The following CACNA1C variants were observed in gnomAD, a reference collection of about 807,000 sequenced individuals.
The protein encoded by CACNA1C is voltage-dependent L-type calcium channel subunit alpha-1C.
Under a neutral mutation model 229.0 loss-of-function variants are expected in CACNA1C, and 30 were observed. The ratio of observed to expected loss-of-function variants is 0.13; its 90% CI spans 0.10 to 0.18. CACNA1C has a LOEUF of 0.18. CACNA1C is among the 10% of genes least tolerant of loss of function. The pLI, the probability that CACNA1C is intolerant of heterozygous loss-of-function variation, is 1.00. For missense variants in CACNA1C, 1,658 were observed against 2,845.0 expected (o/e 0.58, Z 9.49); for synonymous variants, 1,114 against 1,132.5 (o/e 0.98, Z 0.33).
At chr12:2,341,151 G>A (rs1182696609) in intron 3 of CACNA1C, among the ~76,000 whole-genome samples, 1 of 152,138 alleles carries the variant, frequency 6.6e-6, no homozygotes, top group African/African-American at 2.4e-5. Flanking sequence ...TTCACCTGCG[G>A]TGGCTTGGGG....
chr12:2,253,662 T>G (rs1168521770), intron 3 of CACNA1C, among the ~76,000 whole-genome samples: 1 of 152,206 alleles, frequency 6.6e-6, no homozygotes, highest in Middle Eastern at 3.2e-3. Context: ...TGTTGAGGAT[T>G]AAATAAAATC....
chr12:2,541,800 G>A (rs2099871108), intron 9 of CACNA1C, among the ~76,000 whole-genome samples: 1 of 152,184 alleles, frequency 6.6e-6, no homozygotes, highest in Admixed American at 6.5e-5. Context: ...TCCATCCCTG[G>A]GACAAAGTCG....
chr12:2,123,946 C>T (rs1052430825), intron 3 of CACNA1C, among the ~76,000 whole-genome samples: 9 of 152,034 alleles, frequency 5.9e-5, no homozygotes, highest in South Asian at 2.1e-4. Flanking sequence ...TTAGTAAGGG[C>T]GAAGTGTTGG....
At chr12:2,501,044 TAAA>T (rs3058714) in intron 7 of CACNA1C, among the ~76,000 whole-genome samples, 2 of 139,792 alleles carry the variant, frequency 1.4e-5, no homozygotes, top group African/African-American at 2.7e-5. Flanking sequence ...GTCTCTACTT[TAAA>T]AAAAAAAAAA....
chr12:2,347,232 G>A (rs997420187), intron 3 of CACNA1C, among the ~76,000 whole-genome samples: 2 of 152,110 alleles, frequency 1.3e-5, no homozygotes, highest in East Asian at 1.9e-4. Flanking sequence ...ACCTCCCCAC[G>A]AACACTGCAC....
intron 3 of CACNA1C, among the ~76,000 whole-genome samples, chr12:2,372,729 A>C (rs1198763969): frequency 6.6e-6 from 1 of 152,060 alleles, no homozygotes; most frequent in Non-Finnish European, 1.5e-5. Context: ...CTCCCTTTCC[A>C]AGGCCCATCC....
chr12:2,684,084 G>A (rs1013062391), intron 43 of CACNA1C, among the ~76,000 whole-genome samples: 3 of 152,208 alleles, frequency 2.0e-5, no homozygotes, highest in Admixed American at 1.3e-4. Flanking sequence ...GCCCCACCCT[G>A]AGGAGTGTGG....
chr12:2,225,278 T>C (rs7312354), intron 3 of CACNA1C, among the ~76,000 whole-genome samples: 15,279 of 152,242 alleles, frequency 0.1, 1,234 homozygotes, highest in East Asian at 0.3. Context: ...CCCTGCCTTG[T>C]CTGCTAGGTT....
At chr12:2,419,034 G>C (rs2098946571) in intron 3 of CACNA1C, among the ~76,000 whole-genome samples, 1 of 152,326 alleles carries the variant, frequency 6.6e-6, no homozygotes, top group African/African-American at 2.4e-5. Flanking sequence ...CAAAAGGATG[G>C]GGTGTTCATT....
In CACNA1C at chr12:2,294,490, G is replaced by A. The variant is rs937156660; in HGVS notation, c.478-154486G>A. 2.6e-5 allele frequency among the ~76,000 whole-genome samples: 4 copies of A among 151,980 alleles called. 1 individual carries two copies. The East Asian group carries it at 7.8e-4, about 30-fold the overall frequency. ...AGGAGACTCGGAAGGGTCACCTGGG[G>A]CAGTGGAGAGTGAGGGGCGGGGGAG... On this transcript the variant is annotated intron_variant, in intron 3 of 46. Coordinates refer to ENST00000399655, the MANE Select transcript of CACNA1C (RefSeq NM_000719.7).
intron 2 of CACNA1C, 22 bp from the exon 3 acceptor site, chr12:2,120,303 C>T: frequency 8.7e-7 from 1 of 1,154,384 alleles, no homozygotes; most frequent in Non-Finnish European, 1.3e-6. Context: ...GTGGCATTAA[C>T]TTCCTTGACT....
intron 1 of CACNA1C, among the ~76,000 whole-genome samples, chr12:2,028,934 T>C (rs1021781231): frequency 6.6e-6 from 1 of 152,250 alleles, no homozygotes; most frequent in Non-Finnish European, 1.5e-5. Context: ...TACTCTGTAG[T>C]GTGTCAGTCC....
intron 3 of CACNA1C, among the ~76,000 whole-genome samples, chr12:2,311,557 CG>C (rs1566992261): frequency 6.6e-6 from 1 of 152,162 alleles, no homozygotes; most frequent in African/African-American, 2.4e-5. Context: ...CATCCTCTCT[CG>C]CACAGCAAAC....
intron 3 of CACNA1C, among the ~76,000 whole-genome samples, chr12:2,367,293 T>C (rs1594309196): frequency 6.6e-6 from 1 of 152,330 alleles, no homozygotes; most frequent in Admixed American, 6.5e-5. Flanking sequence ...CAGGGAGTCA[T>C]GCTTGCTCAC....
chr12:2,444,968 G>A (rs1011474260), intron 3 of CACNA1C, among the ~76,000 whole-genome samples: 4 of 152,144 alleles, frequency 2.6e-5, no homozygotes, highest in Non-Finnish European at 5.9e-5. Flanking sequence ...ATTCTCCTCA[G>A]AATGGAATCC....
intron 3 of CACNA1C, among the ~76,000 whole-genome samples, chr12:2,219,064 C>A (rs1193193738): frequency 1.3e-5 from 2 of 152,188 alleles, no homozygotes; most frequent in Non-Finnish European, 2.9e-5. Flanking sequence ...TGAGTTAGAT[C>A]AACAAATATG....
chr12:2,106,650 G>A (rs71454871), intron 1 of CACNA1C, among the ~76,000 whole-genome samples: 17 of 65,350 alleles, frequency 2.6e-4, no homozygotes, highest in Admixed American at 4.2e-4. Context: ...CCCACCCCGG[G>A]GAGGGTTTCC....
Position 2,163,203 on chromosome 12 carries a change from C to CAAA in CACNA1C, c.477+42789_477+42791dup, listed in dbSNP as rs35977267. On this transcript the variant is annotated intron_variant, in intron 3 of 46. Coordinates refer to ENST00000399655, the MANE Select transcript of CACNA1C (RefSeq NM_000719.7). ...GGGCAACAAGAGTGAAATTCCATCT[C>CAAA]AAAAAAAAAAAAAAAAAAGTGACCA... is the stretch of plus-strand genomic sequence containing the variant. Among the ~76,000 whole-genome samples, 22 of 109,516 alleles carry CAAA rather than the reference C, an allele frequency of 2.0e-4. 1 individual carries two copies. The highest frequency in any genetic ancestry group is 3.3e-4 in the Non-Finnish European group (18 of 54,536). 71.8% of individuals were successfully genotyped at this position (109,516 alleles called of 152,430 possible). A position where few individuals can be genotyped will look rare whatever the true frequency, so the allele number is the denominator to read the frequency against.
At chr12:2,505,007 T>A in intron 8 of CACNA1C, 62 bp downstream of exon 8, 1 of 860,912 alleles carries the variant, frequency 1.2e-6, no homozygotes, top group Non-Finnish European at 1.9e-6. Context: ...TTCTTTCTGC[T>A]ATTCCTGGCT....
Sources: allele counts gnomAD v4.1 joint callset (sites outside exome capture counted in the v4.1 genomes callset), GRCh38; gene constraint gnomAD v4.1.1; transcripts MANE v1.5; gene names NCBI Gene and HGNC (gene_info 2026-07-23, HGNC 2026-07-21).